Variants in NXPE3 observed in about 807,000 individuals in gnomAD.
NXPE3 encodes the protein NXPE family member 3.
Under a neutral mutation model 46.1 loss-of-function variants are expected in NXPE3, and 26 were observed. The observed-to-expected ratio is 0.56, with a 90% CI of 0.41 to 0.78. The LOEUF (loss-of-function observed/expected upper bound fraction) is 0.78. NXPE3 is among the 30% of genes least tolerant of loss of function. The probability of loss-of-function intolerance (pLI) is 0.00; values close to 1 mark genes in which losing one functional copy is unlikely to be tolerated. For missense variants in NXPE3, 620 were observed against 686.0 expected (o/e 0.90, Z 1.07); for synonymous variants, 272 against 257.9 (o/e 1.05, Z -0.52).
chr3:101,806,580 G>C (rs765316872), intron 5 of NXPE3, among the ~76,000 whole-genome samples: 1 of 152,166 alleles, frequency 6.6e-6, no homozygotes, highest in Non-Finnish European at 1.5e-5. Flanking sequence ...TGGTAATGAT[G>C]AGCAAAGTAC....
intron 6 of NXPE3, among the ~76,000 whole-genome samples, chr3:101,812,507 C>T (rs1260909658): frequency 1.3e-5 from 2 of 152,056 alleles, no homozygotes; most frequent in Non-Finnish European, 2.9e-5. Context: ...GACTTGCTTT[C>T]TTCATCTTTA....
Position 101,808,582 on chromosome 3 carries a change from C to T in NXPE3, c.922+1456C>T, listed in dbSNP as rs189318791. Among the ~76,000 whole-genome samples, 6 of 151,956 alleles carry T rather than the reference C, an allele frequency of 3.9e-5. No individual in the cohort carries two copies. The East Asian group carries it at 7.8e-4, about 20-fold the overall frequency. On this transcript the variant is annotated intron_variant, in intron 6 of 7. Transcript: ENST00000273347. ...GTAGATTTGTTTTTCCAAGAGAAAC[C>T]AGAAACTTTGATTTTTTAACTGTGA...
chr3:101,807,755 T>C (rs1160040741), intron 6 of NXPE3, among the ~76,000 whole-genome samples: 1 of 151,998 alleles, frequency 6.6e-6, no homozygotes, highest in Non-Finnish European at 1.5e-5. Context: ...TTAAATCAAT[T>C]AAGATTAAAT....
intron 5 of NXPE3, among the ~76,000 whole-genome samples, chr3:101,805,110 A>G (rs1941349822): frequency 6.6e-6 from 1 of 152,182 alleles, no homozygotes; most frequent in South Asian, 2.1e-4. Context: ...ACCTGAGAGT[A>G]TGTTGCAGAC....
In NXPE3 at chr3:101,814,924, G is replaced by T. The variant is rs78206175; in HGVS notation, c.923-1871G>T. Among the ~76,000 whole-genome samples the T allele has an allele frequency of 3.2e-4, 49 of 152,312 alleles. No homozygotes were observed. In the East Asian group the frequency reaches 4.6e-3, roughly 14 times the overall value. On this transcript the variant is annotated intron_variant, in intron 6 of 7. Coordinates refer to ENST00000273347, the MANE Select transcript of NXPE3 (RefSeq NM_145037.4). ...GCTGGCTTTGCTCCTTACTAGCTCA[G>T]CTCTGGGACCTTGGTCAAGTTGTTT... is the stretch of plus-strand genomic sequence containing the variant.
rs1481436021 is a variant in NXPE3, at chr3:101,801,821, T to G, written c.680T>G (p.Val227Gly). 6.2e-7 allele frequency: 1 copy of G among 1,614,070 alleles called. No individual in the cohort carries two copies. The highest frequency in any genetic ancestry group is 8.5e-7 in the Non-Finnish European group (1 of 1,180,042). ...ATTTCTGAAACTACTGAGTGCAACG[T>G]GTGTCTTCCTGGGAATCTGCCCCTG... ...GRISETTECN[V>G]CLPGNLPLCN... is the part of the protein sequence containing the mutation. Residue 227 changes from valine to glycine, a missense_variant, in exon 5 of 8, where the codon GTG (valine) becomes GGG (glycine). Physicochemically the swap from Val to Gly is moderately radical, Grantham distance 109. Around this residue, in one of 3 missense-constraint regions of NXPE3, gnomAD observed 511 missense variants for 528.6 expected, o/e 0.97. Transcript: ENST00000273347.
Position 101,816,852 on chromosome 3 carries a change from A to G in NXPE3, c.980A>G (p.Tyr327Cys). 1 of 1,614,152 alleles carries G rather than the reference A, an allele frequency of 6.2e-7. No individual in the cohort carries two copies. The highest frequency in any genetic ancestry group is 8.5e-7 in the Non-Finnish European group (1 of 1,180,006). Reference protein sequence around the residue: ...GSGTFPSGYYYKDQWRPRKFK... With the variant: ...GSGTFPSGYYCKDQWRPRKFK... ...GGAACTTTTCCTTCTGGGTATTATTATAAAGACCAGTGGAGGCCCAGAAAG... is the reference window on the plus strand; with the variant it reads ...GGAACTTTTCCTTCTGGGTATTATTGTAAAGACCAGTGGAGGCCCAGAAAG... Residue 327 changes from tyrosine (Y) to cysteine (C), a missense_variant, in exon 7 of 8, where the codon TAT becomes TGT. Physicochemically the swap from Tyr to Cys is radical, Grantham distance 194. This residue lies in a region of NXPE3 where 511 missense variants were observed against 528.6 expected (regional missense o/e 0.97). Coordinates refer to ENST00000273347, the MANE Select transcript of NXPE3 (RefSeq NM_145037.4).
intron 6 of NXPE3, among the ~76,000 whole-genome samples, chr3:101,815,621 T>G (rs932805941): frequency 6.6e-6 from 1 of 152,196 alleles, no homozygotes; most frequent in African/African-American, 2.4e-5. Flanking sequence ...TCTAGCACTT[T>G]GGGAGGTCGA....
chr3:101,790,348 A>G (rs1016390691), intron 4 of NXPE3, among the ~76,000 whole-genome samples: 3 of 152,134 alleles, frequency 2.0e-5, no homozygotes, highest in Non-Finnish European at 4.4e-5. Flanking sequence ...ATAATTGTGA[A>G]TTTGTCTATT....
chr3:101,791,668 G>T (rs947133771), intron 4 of NXPE3, among the ~76,000 whole-genome samples: 1 of 152,096 alleles, frequency 6.6e-6, no homozygotes, highest in African/African-American at 2.4e-5. Flanking sequence ...GAGCCACCAC[G>T]CCCGGCCTTA....
intron 6 of NXPE3, among the ~76,000 whole-genome samples, chr3:101,809,154 T>C (rs774833261): frequency 1.7e-4 from 26 of 152,078 alleles, no homozygotes; most frequent in Non-Finnish European, 3.1e-4. Context: ...TGTACTCTTC[T>C]GGTTAGAGGG....
In NXPE3 at chr3:101,790,921, T is replaced by C. The variant is rs141342878; in HGVS notation, c.93+5232T>C. ...AGTTATTATTTTTTAAACCTACTTG[T>C]GTTTTTATATTTATTTATTGAATTG... On this transcript the variant is annotated intron_variant, in intron 4 of 7. Coordinates refer to ENST00000273347, the MANE Select transcript of NXPE3 (RefSeq NM_145037.4). Among the ~76,000 whole-genome samples, 333 of 152,334 alleles carry C rather than the reference T, an allele frequency of 2.2e-3. 6 individuals are homozygous for C. The East Asian group carries it at 0.034, about 15-fold the overall frequency.
At chr3:101,787,831 T>C (rs1425610270) in intron 4 of NXPE3, among the ~76,000 whole-genome samples, 1 of 152,220 alleles carries the variant, frequency 6.6e-6, no homozygotes, top group Non-Finnish European at 1.5e-5. Flanking sequence ...CATCTGACAT[T>C]TGGGTTGTTT....
At position 101,827,822 on chromosome 3, in the gene NXPE3, C is replaced by G. The variant is rs1274801116; in HGVS notation, c.*5868C>G. On this transcript the variant is annotated 3_prime_UTR_variant, in exon 8 of 8. Coordinates refer to ENST00000273347, the MANE Select transcript of NXPE3 (RefSeq NM_145037.4). ...ACAAATCTAGGCCTCGCTGCCCCCT[C>G]CCTGCCTCCTCTGGCCCTCCTCAGT... Among the ~76,000 whole-genome samples the G allele has an allele frequency of 6.6e-6, 1 of 152,192 alleles. No homozygotes were observed. The highest frequency in any genetic ancestry group is 1.5e-5 in the Non-Finnish European group (1 of 68,028).
chr3:101,788,542 A>G (rs1940322350), intron 4 of NXPE3, among the ~76,000 whole-genome samples: 4 of 152,166 alleles, frequency 2.6e-5, no homozygotes, highest in Non-Finnish European at 4.4e-5. Context: ...CTACTTTGTT[A>G]TCCTTTAAAA....
chr3:101,816,202 C>G (rs965610993), intron 6 of NXPE3, among the ~76,000 whole-genome samples: 2 of 152,120 alleles, frequency 1.3e-5, no homozygotes, highest in Non-Finnish European at 2.9e-5. Context: ...GAAAGTCCCT[C>G]CTTTCCTTTC....
intron 5 of NXPE3, 21 bp downstream of exon 5, chr3:101,802,010 G>C (rs776855499): frequency 1.3e-6 from 2 of 1,564,180 alleles, no homozygotes; most frequent in South Asian, 2.4e-5. Context: ...CTTTTTCTTG[G>C]GGATGATTTG....
In NXPE3 at chr3:101,821,636, A is replaced by C; in HGVS notation, c.1362A>C (p.Glu454Asp). 1 of 1,614,214 alleles carries C rather than the reference A, an allele frequency of 6.2e-7. No homozygotes were observed. The change falls in exon 8 of 8, where the codon GAA becomes GAC. Residue 454 changes from glutamate (E) to aspartate (D), a missense_variant. Physicochemically the swap from Glu to Asp is conservative, Grantham distance 45. This residue lies in a region of NXPE3 where 75 missense variants were observed against 121.1 expected (regional missense o/e 0.62). Transcript: ENST00000273347. ...CTCACTTCAGCACCTTCCCTTTGGA[A>C]GTGTACATCCGGCGGCTCAGGAACA... ...VWSHFSTFPL[E>D]VYIRRLRNIR...
At chr3:101,815,551 T>TA (rs748633768) in intron 6 of NXPE3, among the ~76,000 whole-genome samples, 4 of 152,356 alleles carry the variant, frequency 2.6e-5, no homozygotes, top group Non-Finnish European at 4.4e-5. Flanking sequence ...TCTTCCTTTA[T>TA]ATTTGGCTTT....
Sources: allele counts gnomAD v4.1 joint callset (sites outside exome capture counted in the v4.1 genomes callset), GRCh38; gene constraint gnomAD v4.1.1; regional missense constraint gnomAD v4.1.1; transcripts MANE v1.5; gene names NCBI Gene and HGNC (gene_info 2026-07-23, HGNC 2026-07-21).